The following MYO18B variants were observed in gnomAD, a reference collection of about 807,000 sequenced individuals.
MYO18B encodes unconventional myosin-XVIIIb.
Under a neutral mutation model 273.0 loss-of-function variants are expected in MYO18B, and 204 were observed. That is an observed-to-expected ratio of 0.75 (90% CI 0.67 to 0.84). MYO18B has a LOEUF of 0.84. Among genes scored for constraint, MYO18B ranks in the 40% least tolerant of loss-of-function variants. The probability of loss-of-function intolerance (pLI) is 0.00; values close to 1 mark genes in which losing one functional copy is unlikely to be tolerated. For missense variants in MYO18B, 3,212 were observed against 3,287.6 expected, an observed-to-expected ratio of 0.98 and a Z score of 0.56; for synonymous variants, 1,330 against 1,305.7, an observed-to-expected ratio of 1.02 and a Z score of -0.40.
At chr22:25,932,133 A>G (rs935236101) in intron 34 of MYO18B, among the ~76,000 whole-genome samples, 1 of 152,180 alleles carries the variant, frequency 6.6e-6, no homozygotes, top group Non-Finnish European at 1.5e-5. Context: ...TATATTTTGA[A>G]AGAATTTAAA....
intron 25 of MYO18B, among the ~76,000 whole-genome samples, chr22:25,880,343 A>G (rs1178030263): frequency 6.6e-6 from 1 of 152,240 alleles, no homozygotes; most frequent in African/African-American, 2.4e-5. Context: ...TAAACATTCT[A>G]AACAGTGTGA....
chr22:25,987,502 G>A (rs1323901124), intron 39 of MYO18B, among the ~76,000 whole-genome samples: 1 of 152,098 alleles, frequency 6.6e-6, no homozygotes, highest in East Asian at 1.9e-4. Flanking sequence ...TATGTATCAT[G>A]TATATTATGT....
chr22:25,795,869 T>C (rs910382997), intron 11 of MYO18B, among the ~76,000 whole-genome samples: 15 of 152,232 alleles, frequency 9.9e-5, no homozygotes, highest in African/African-American at 3.4e-4. Context: ...GACAAGTATC[T>C]TGGACTGGGA....
At chr22:25,976,715 C>T (rs1355010098) in intron 39 of MYO18B, among the ~76,000 whole-genome samples, 3 of 152,080 alleles carry the variant, frequency 2.0e-5, no homozygotes, top group Non-Finnish European at 4.4e-5. Flanking sequence ...TCACCAGCAC[C>T]AATATCTCCA....
chr22:25,785,139 A>G (rs2087327794), intron 10 of MYO18B, among the ~76,000 whole-genome samples: 1 of 152,226 alleles, frequency 6.6e-6, no homozygotes, highest in Non-Finnish European at 1.5e-5. Context: ...GAGGTCGCTC[A>G]GCTGATTAGA....
chr22:25,940,346 A>G (rs1279769671), intron 34 of MYO18B, among the ~76,000 whole-genome samples: 3 of 152,134 alleles, frequency 2.0e-5, no homozygotes, highest in Non-Finnish European at 2.9e-5. Flanking sequence ...GCACCCATGT[A>G]AGACATGCCT....
At chr22:25,973,261 G>GGGT (rs1254359835) in intron 39 of MYO18B, among the ~76,000 whole-genome samples, 1 of 152,196 alleles carries the variant, frequency 6.6e-6, no homozygotes, top group Non-Finnish European at 1.5e-5. Flanking sequence ...CTTAAAAATG[G>GGGT]GGTGGTGGTG....
chr22:25,824,465 C>G lies in MYO18B; in HGVS notation c.2695+787C>G, dbSNP rs141199268. Among the ~76,000 whole-genome samples the G allele has an allele frequency of 1.8e-3, 270 of 152,280 alleles. 1 individual carries two copies. Among genetic ancestry groups the G allele is most frequent in the South Asian group, 7.7e-3 (37 of 4,816 alleles). ...CTGCCGTGGGGGAAAAACAGGAGGA[C>G]TTTGTACTGTACTTGCAAGGATGTG... On this transcript the variant is annotated intron_variant, in intron 13 of 43. Transcript: ENST00000335473.
intron 39 of MYO18B, among the ~76,000 whole-genome samples, chr22:25,991,725 C>G (rs999934563): frequency 6.6e-6 from 1 of 152,154 alleles, no homozygotes; most frequent in Non-Finnish European, 1.5e-5. Context: ...AGAGTAAAGA[C>G]TCACCTGCTG....
intron 7 of MYO18B, among the ~76,000 whole-genome samples, chr22:25,773,494 C>G (rs1321828399): frequency 2.0e-5 from 3 of 152,098 alleles, no homozygotes; most frequent in East Asian, 3.9e-4. Flanking sequence ...GACGGAGTCT[C>G]TCTGTGTCGC....
chr22:25,923,144 G>A (rs1223428250), intron 34 of MYO18B, among the ~76,000 whole-genome samples: 1 of 152,198 alleles, frequency 6.6e-6, no homozygotes, highest in Non-Finnish European at 1.5e-5. Flanking sequence ...CATGAATAGA[G>A]CGAGTTTATG....
chr22:25,846,047 G>T lies in MYO18B; in HGVS notation c.3369-53G>T, dbSNP rs187168945. ...TCCCTTTGCCACCACCCAGGCCAAG[G>T]CTTTCCCAAGAACCTCCTAAAGCTC... On this transcript the variant is annotated intron_variant, in intron 18 of 43. Coordinates refer to ENST00000335473, the MANE Select transcript of MYO18B (RefSeq NM_032608.7). 1.4e-5 allele frequency: 20 copies of T among 1,434,410 alleles called. No homozygotes were observed. The Admixed American group carries it at 5.0e-4, about 36-fold the overall frequency. 88.9% of individuals were successfully genotyped at this position (1,434,410 alleles called of 1,614,324 possible).
intron 11 of MYO18B, among the ~76,000 whole-genome samples, chr22:25,786,492 C>CAAAA (rs35847281): frequency 5.6e-5 from 8 of 142,258 alleles, no homozygotes; most frequent in African/African-American, 2.1e-4. Flanking sequence ...TATCCTGGTG[C>CAAAA]AAAAAAAAAA....
At chr22:25,900,521 T>C (rs938930610) in intron 29 of MYO18B, 1 of 152,388 alleles carries the variant, frequency 6.6e-6, no homozygotes, top group Non-Finnish European at 1.5e-5. Context: ...TCATTTTGGT[T>C]GGATTGTTTG....
chr22:25,862,609 C>T (rs1387271207), intron 21 of MYO18B, among the ~76,000 whole-genome samples: 1 of 152,160 alleles, frequency 6.6e-6, no homozygotes, highest in Admixed American at 6.5e-5. Context: ...TCCTGATTGA[C>T]ATGTTTGTTT....
chr22:25,876,472 C>G, intron 24 of MYO18B, 140 bp downstream of exon 24: 1 of 884,394 alleles, frequency 1.1e-6, no homozygotes, highest in Non-Finnish European at 1.6e-6. Flanking sequence ...GATGCCCCTT[C>G]CAGATGTTCC....
At chr22:25,921,194 GA>G (rs1453715027) in intron 33 of MYO18B, 62 bp from the exon 34 acceptor site, 1 of 1,489,854 alleles carries the variant, frequency 6.7e-7, no homozygotes, top group African/African-American at 1.4e-5. Flanking sequence ...CCTGATTCCG[GA>G]AAACTTAGAC....
rs551188081 is a variant in MYO18B at position 25,797,044 on chromosome 22, G to A, written c.2377-909G>A. On this transcript the variant is annotated intron_variant, in intron 11 of 43. Coordinates refer to ENST00000335473, the MANE Select transcript of MYO18B (RefSeq NM_032608.7). ...GGAGTTCAAGACCAGCCTGGCCAAC[G>A]TGGTGAAACCCTTCTCTACTAAAAC... 3.9e-5 allele frequency among the ~76,000 whole-genome samples: 6 copies of A among 152,254 alleles called. No homozygotes were observed. In the East Asian group the frequency reaches 1.2e-3, roughly 29 times the overall value.
chr22:25,840,394 C>T (rs1442414408), intron 17 of MYO18B, among the ~76,000 whole-genome samples: 1 of 152,240 alleles, frequency 6.6e-6, no homozygotes, highest in Non-Finnish European at 1.5e-5. Context: ...CTTTCCCTGA[C>T]CTCTTTGTAA....
Sources: gnomAD v4.1 joint callset for allele counts (sites outside exome capture counted in the v4.1 genomes callset) on GRCh38, gnomAD v4.1.1 for gene constraint, MANE v1.5 for transcripts, NCBI Gene and HGNC (gene_info 2026-07-23, HGNC 2026-07-21) for gene names.